SYBU: variants seen among roughly 807,000 people sequenced by gnomAD.
SYBU encodes the protein syntabulin, also known as GOLSYN A protein.
SYBU carries 21 observed loss-of-function variants against 35.9 expected under a neutral mutation model. The ratio of observed to expected loss-of-function variants is 0.58; its 90% confidence interval spans 0.41 to 0.84. The LOEUF (loss-of-function observed/expected upper bound fraction) is 0.84. SYBU is among the 40% of genes least tolerant of loss of function. The pLI is 0.00. For synonymous variants in SYBU, 319 were observed against 324.3 expected, an observed-to-expected ratio of 0.98 and a Z score of 0.18; for missense variants, 768 against 848.2, an observed-to-expected ratio of 0.91 and a Z score of 1.17.
intron 2 of SYBU, among the ~76,000 whole-genome samples, chr8:109,632,863 AATGAC>A (rs1328966823): frequency 6.6e-6 from 1 of 152,214 alleles, no homozygotes; most frequent in Non-Finnish European, 1.5e-5. Context: ...GCTGACAAGC[AATGAC>A]AGGTACAGGT....
chr8:109,677,518 A>G (rs908001283), intron 1 of SYBU, among the ~76,000 whole-genome samples: 1 of 152,240 alleles, frequency 6.6e-6, no homozygotes, highest in East Asian at 1.9e-4. Context: ...AACCATCATA[A>G]TATATGGGAA....
chr8:109,661,697 A>G (rs1816566012), intron 1 of SYBU, among the ~76,000 whole-genome samples: 1 of 152,204 alleles, frequency 6.6e-6, no homozygotes, highest in Admixed American at 6.5e-5. Flanking sequence ...TATCAAGTAG[A>G]AACAATGGAG....
At position 109,644,169 on chromosome 8, in the gene SYBU, G is replaced by C. The variant is rs932818697; in HGVS notation, c.24+467C>G. 9 of 460,580 alleles carry C rather than the reference G, an allele frequency of 2.0e-5. No homozygotes were observed. The Admixed American group carries it at 2.1e-4, about 11-fold the overall frequency. 28.5% of individuals were successfully genotyped at this position (460,580 alleles called of 1,614,324 possible). A position where few individuals can be genotyped will look rare whatever the true frequency, so the allele number is the denominator to read the frequency against. ...CCCTCAGGCATCCACTCTACCCGGGGGCCGCCAGCCGCACGCAGCCTCGGA... is the reference window on the plus strand; with the variant it reads ...CCCTCAGGCATCCACTCTACCCGGGCGCCGCCAGCCGCACGCAGCCTCGGA... On this transcript the variant is annotated intron_variant, in intron 1 of 6. Coordinates refer to ENST00000276646, the MANE Select transcript of SYBU (RefSeq NM_001099754.2).
chr8:109,663,297 A>ATAGATAGATAGATAGATAGG (rs1563771275), intron 1 of SYBU, among the ~76,000 whole-genome samples: 6 of 148,482 alleles, frequency 4.0e-5, no homozygotes, highest in Admixed American at 2.7e-4. Flanking sequence ...AGATAGATAG[A>ATAGATAGATAGATAGATAGG]TAGGTAGATA....
At chr8:109,663,967 C>T (rs1459145018) in intron 1 of SYBU, among the ~76,000 whole-genome samples, 2 of 152,020 alleles carry the variant, frequency 1.3e-5, no homozygotes, top group African/African-American at 4.8e-5. Flanking sequence ...ATTAACAGGA[C>T]TAATACAAAT....
At chr8:109,618,130 T>TA (rs1423197119) in intron 3 of SYBU, among the ~76,000 whole-genome samples, 1 of 152,230 alleles carries the variant, frequency 6.6e-6, no homozygotes, top group Admixed American at 6.5e-5. Context: ...AATGCAATGT[T>TA]AGAGGATACC....
In SYBU at chr8:109,575,771, A is replaced by G. The variant is rs1471667693; in HGVS notation, c.1127T>C (p.Met376Thr). ...CAGAGAGCCACTGTGTGCCATCTCC[A>G]TGCTCTGAAGGAGAGACTCCAGCTT... ...NKKLESLLQSMEMAHSGSLRD... is the reference protein window; with the variant it reads ...NKKLESLLQSTEMAHSGSLRD... The change falls in exon 7 of 7, where the codon ATG (methionine) becomes ACG (threonine). Residue 376 changes from methionine to threonine, a missense_variant. Transcript: ENST00000276646. The G allele has an allele frequency of 6.2e-7, 1 of 1,614,146 alleles. No individual in the cohort carries two copies.
intron 3 of SYBU, among the ~76,000 whole-genome samples, chr8:109,613,865 A>T (rs544787113): frequency 3.0e-3 from 451 of 152,358 alleles, no homozygotes; most frequent in Non-Finnish European, 4.9e-3. Context: ...TGTGGGAAAT[A>T]AGGTTTTCTA....
At chr8:109,680,150 T>C (rs1282586061) in intron 1 of SYBU, 1 of 152,206 alleles carries the variant, frequency 6.6e-6, no homozygotes, top group Non-Finnish European at 1.5e-5. Flanking sequence ...TTAATTCAAT[T>C]TAAAATGTTT....
intron 3 of SYBU, among the ~76,000 whole-genome samples, chr8:109,590,249 T>TG (rs1193209693): frequency 6.6e-6 from 1 of 152,170 alleles, no homozygotes; most frequent in Non-Finnish European, 1.5e-5. Flanking sequence ...TGCTAAGGCT[T>TG]GGGGGGCCCA....
intron 3 of SYBU, among the ~76,000 whole-genome samples, chr8:109,597,585 T>C (rs1419318412): frequency 6.6e-6 from 1 of 150,792 alleles, no homozygotes; most frequent in Non-Finnish European, 1.5e-5. Context: ...CATGGTGGCA[T>C]GCGCTTATAG....
At chr8:109,667,128 T>C (rs1816782317) in intron 1 of SYBU, among the ~76,000 whole-genome samples, 1 of 152,152 alleles carries the variant, frequency 6.6e-6, no homozygotes, top group South Asian at 2.1e-4. Context: ...TATTATTTCC[T>C]TTTTTTGAGA....
intron 3 of SYBU, among the ~76,000 whole-genome samples, chr8:109,613,155 T>C (rs918096383): frequency 6.6e-6 from 1 of 152,188 alleles, no homozygotes; most frequent in African/African-American, 2.4e-5. Context: ...CTAGAGCAAC[T>C]ATTCCTCTCC....
At chr8:109,639,403 T>C (rs1814602041) in intron 2 of SYBU, among the ~76,000 whole-genome samples, 1 of 152,258 alleles carries the variant, frequency 6.6e-6, no homozygotes, top group South Asian at 2.1e-4. Context: ...TTGATATAGA[T>C]TTGAGGAAAG....
At chr8:109,681,962 C>A (rs1220405348), upstream of SYBU, among the ~76,000 whole-genome samples, 1 of 152,152 alleles carries the variant, frequency 6.6e-6, no homozygotes, top group Non-Finnish European at 1.5e-5. Flanking sequence ...CTTCTTACTG[C>A]TGCTACGTGA....
intron 1 of SYBU, among the ~76,000 whole-genome samples, chr8:109,678,533 A>G (rs1228138681): frequency 1.4e-5 from 2 of 144,490 alleles, no homozygotes; most frequent in African/African-American, 2.6e-5. Flanking sequence ...CTTCACCTCC[A>G]GAGTTCAAGC....
intron 1 of SYBU, among the ~76,000 whole-genome samples, chr8:109,659,837 A>C (rs1816496608): frequency 6.6e-6 from 1 of 152,182 alleles, no homozygotes; most frequent in Admixed American, 6.5e-5. Context: ...AGTTTTAGAA[A>C]TAGAGGTAGG....
intron 3 of SYBU, among the ~76,000 whole-genome samples, chr8:109,617,416 A>G (rs1381386214): frequency 6.6e-6 from 1 of 152,236 alleles, no homozygotes; most frequent in Non-Finnish European, 1.5e-5. Flanking sequence ...TGTTTGCACA[A>G]CAGTTTGAAT....
rs552681076 is a variant in SYBU at position 109,644,042 on chromosome 8, C to T, written c.24+594G>A. On this transcript the variant is annotated intron_variant, in intron 1 of 6. Transcript: ENST00000276646. ...GAAACATGACCTACTGTTCCTTCCA[C>T]CGGCTTACCAGGAAGGGTCACGGCC... 17 of 455,162 alleles carry T rather than the reference C, an allele frequency of 3.7e-5. No individual in the cohort carries two copies. In the East Asian group the frequency reaches 4.9e-4, roughly 13 times the overall value. 28.2% of individuals were successfully genotyped at this position (455,162 alleles called of 1,614,324 possible).
Sources: gnomAD v4.1 joint callset for allele counts (sites outside exome capture counted in the v4.1 genomes callset) on GRCh38, gnomAD v4.1.1 for gene constraint, MANE v1.5 for transcripts, NCBI Gene and HGNC (gene_info 2026-07-23, HGNC 2026-07-21) for gene names.